The following KCNK6 variants were observed in gnomAD, a reference collection of about 807,000 sequenced individuals.
KCNK6 encodes the protein potassium two pore domain channel subfamily K member 6.
A neutral mutation model predicts 21.9 loss-of-function variants in KCNK6; 20 were observed. That is an observed-to-expected ratio of 0.91 (90% CI 0.64 to 1.32). KCNK6 has a LOEUF of 1.32. Among genes scored for constraint, KCNK6 ranks in the 40% most tolerant of loss-of-function variants. The pLI is 0.00. For missense variants in KCNK6, 415 were observed against 433.1 expected, an observed-to-expected ratio of 0.96 and a Z score of 0.37; for synonymous variants, 210 against 218.0, an observed-to-expected ratio of 0.96 and a Z score of 0.32.
chr19:38,322,835 G>A (rs909479159), intron 1 of KCNK6, among the ~76,000 whole-genome samples: 5 of 146,516 alleles, frequency 3.4e-5, no homozygotes, highest in South Asian at 4.3e-4. Context: ...AAAACAGGCC[G>A]GGCAAGTTGG....
intron 1 of KCNK6, among the ~76,000 whole-genome samples, chr19:38,324,100 T>A (rs1969682128): frequency 1.3e-5 from 2 of 152,042 alleles, no homozygotes; most frequent in Admixed American, 1.3e-4. Flanking sequence ...TTATTATTAT[T>A]ATTTTTTTTT....
intron 1 of KCNK6, among the ~76,000 whole-genome samples, chr19:38,323,128 A>G (rs938875323): frequency 2.0e-5 from 3 of 152,070 alleles, no homozygotes; most frequent in African/African-American, 7.2e-5. Context: ...AAACAAACAA[A>G]AAAGAGTGGT....
At position 38,327,799 on chromosome 19, in the gene KCNK6, T is replaced by A. The variant is rs996251279; in HGVS notation, c.*396T>A. On this transcript the variant is annotated 3_prime_UTR_variant, in exon 3 of 3. Transcript: ENST00000263372. ...TTCTACTGGGCTGTGGGCTCAGACC[T>A]CATTTCAGGCACCAGATTGGTCGCT... 1 of 240,616 alleles carries A rather than the reference T, an allele frequency of 4.2e-6. No individual in the cohort carries two copies. The highest frequency in any genetic ancestry group is 5.3e-5 in the South Asian group (1 of 18,934). 14.9% of individuals were successfully genotyped at this position (240,616 alleles called of 1,614,324 possible).
In KCNK6 at chr19:38,331,754, T is replaced by C. The variant is rs755590466; in HGVS notation, c.*4351T>C. On this transcript the variant is annotated 3_prime_UTR_variant, in exon 3 of 3. Transcript: ENST00000263372. Reference sequence around the variant, plus strand: ...ATGTCTCAGGTCTTCCCAGGCACATTTGATGTTATGTACCAGCCATATGCA... The same window carrying C: ...ATGTCTCAGGTCTTCCCAGGCACATCTGATGTTATGTACCAGCCATATGCA... 8.5e-5 allele frequency: 13 copies of C among 152,196 alleles called. No homozygotes were observed. Among genetic ancestry groups the C allele is most frequent in the Admixed American group, 3.9e-4 (6 of 15,286 alleles). The allele number at this position is 152,196 out of a possible 1,614,324, so 9.4% of individuals were successfully genotyped here.
chr19:38,327,046 G>C, intron 2 of KCNK6, 58 bp downstream of exon 2: 1 of 1,563,844 alleles, frequency 6.4e-7, no homozygotes, highest in Middle Eastern at 1.7e-4. Flanking sequence ...CCCTGGGGGA[G>C]TTAAAGGCTC....
At chr19:38,324,566 G>A (rs1969686980) in intron 1 of KCNK6, among the ~76,000 whole-genome samples, 1 of 152,170 alleles carries the variant, frequency 6.6e-6, no homozygotes, top group Non-Finnish European at 1.5e-5. Context: ...GAGGAAAGAA[G>A]GGAGACTGGC....
rs1969751964 is a variant in KCNK6, at chr19:38,329,671, G to GGAAGGGTTTAGA, written c.*2270_*2281dup. The stretch of plus-strand genomic sequence containing the variant: ...TTTCCTGAGGGCCCTAGAGAGCCAT[G>GGAAGGGTTTAGA]GAAGGGTTTAGAGTAGGAGTGGGTC... On this transcript the variant is annotated 3_prime_UTR_variant, in exon 3 of 3. Coordinates refer to ENST00000263372, the MANE Select transcript of KCNK6 (RefSeq NM_004823.3). The GGAAGGGTTTAGA allele has an allele frequency of 6.6e-6, 1 of 152,258 alleles. No homozygotes were observed. The highest frequency in any genetic ancestry group is 1.5e-5 in the Non-Finnish European group (1 of 68,146). The allele number at this position is 152,258 out of a possible 1,614,324, so 9.4% of individuals were successfully genotyped here.
chr19:38,322,882 G>A (rs1211395552), intron 1 of KCNK6, among the ~76,000 whole-genome samples: 1 of 152,128 alleles, frequency 6.6e-6, no homozygotes, highest in Non-Finnish European at 1.5e-5. Context: ...GGAGGCTGAG[G>A]CGGGCGGATC....
At chr19:38,325,940 T>G (rs545529203) in intron 1 of KCNK6, among the ~76,000 whole-genome samples, 263 of 151,262 alleles carry the variant, frequency 1.7e-3, no homozygotes, top group Middle Eastern at 0.017. Flanking sequence ...GGGCTGGGGA[T>G]GGGGAAGGGA....
rs1969726030 is a variant in KCNK6 at position 38,327,494 on chromosome 19, C to T, written c.*91C>T. On this transcript the variant is annotated 3_prime_UTR_variant, in exon 3 of 3. Coordinates refer to ENST00000263372, the MANE Select transcript of KCNK6 (RefSeq NM_004823.3). The stretch of plus-strand genomic sequence containing the variant: ...CTGGCTGTACAGGAATGTCCACGAG[C>T]ACAGCAGGTGATCTTGAGGCCTTGC... 1.7e-6 allele frequency: 2 copies of T among 1,190,990 alleles called. No individual in the cohort carries two copies. Among genetic ancestry groups the T allele is most frequent in the African/African-American group, 1.5e-5 (1 of 66,422 alleles). The allele number at this position is 1,190,990 out of a possible 1,614,324, so 73.8% of individuals were successfully genotyped here. A position where few individuals can be genotyped will look rare whatever the true frequency, so the allele number is the denominator to read the frequency against.
At chr19:38,326,131 G>A (rs1257971127) in intron 1 of KCNK6, among the ~76,000 whole-genome samples, 6 of 152,230 alleles carry the variant, frequency 3.9e-5, no homozygotes, top group Non-Finnish European at 7.3e-5. Context: ...TGGCCTGAGC[G>A]TCGAAGGACA....
rs376955900 is a variant in KCNK6, at chr19:38,320,248, G to T, written c.298G>T (p.Ala100Ser). ...GGACTTCGCCTCTGCTCTCTTCTTC[G>T]CCAGCACGCTGATCACCACCGTGGG... ...AWDFASALFF[A>S]STLITTVGYG... The change falls in exon 1 of 3, where the codon GCC becomes TCC. Residue 100 changes from alanine (A) to serine (S), a missense_variant. Ala to Ser is a moderately conservative substitution (Grantham distance 99, BLOSUM62 1). Transcript: ENST00000263372. The T allele has an allele frequency of 1.2e-6, 2 of 1,606,196 alleles. No individual in the cohort carries two copies. The highest frequency in any genetic ancestry group is 1.7e-6 in the Non-Finnish European group (2 of 1,179,646).
Position 38,320,305 on chromosome 19 carries a change from A to AC in KCNK6, c.322+36dup, listed in dbSNP as rs1044197714. 5 of 1,600,398 alleles carry AC rather than the reference A, an allele frequency of 3.1e-6. No individual in the cohort carries two copies. In the African/African-American group the frequency reaches 6.7e-5, roughly 21 times the overall value. Reference sequence around the variant, plus strand: ...AGCGCCTCACCGCAAGGCGGCGAGGACCCGGGATCCCCACTTCATCCTTAA... The same window carrying AC: ...AGCGCCTCACCGCAAGGCGGCGAGGACCCCGGGATCCCCACTTCATCCTTAA... On this transcript the variant is annotated intron_variant, in intron 1 of 2. Coordinates refer to ENST00000263372, the MANE Select transcript of KCNK6 (RefSeq NM_004823.3).
In KCNK6 at chr19:38,329,137, G is replaced by A. The variant is rs1969747040; in HGVS notation, c.*1734G>A. The A allele has an allele frequency of 6.6e-6, 1 of 152,018 alleles. No homozygotes were observed. The highest frequency in any genetic ancestry group is 2.4e-5 in the African/African-American group (1 of 41,402). 9.4% of individuals were successfully genotyped at this position (152,018 alleles called of 1,614,324 possible). ...CCCAGCTACTCGGGAGGCTGAGGCA[G>A]GAGAATGGCGTGAACCCCGGTGGGG... On this transcript the variant is annotated 3_prime_UTR_variant, in exon 3 of 3. Coordinates refer to ENST00000263372, the MANE Select transcript of KCNK6 (RefSeq NM_004823.3).
At chr19:38,320,355 C>A in intron 1 of KCNK6, 83 bp downstream of exon 1, 3 of 1,418,884 alleles carry the variant, frequency 2.1e-6, no homozygotes, top group Admixed American at 3.7e-5. Context: ...GGGGCCCTCA[C>A]GAATACCCTT....
chr19:38,327,354 A>G lies in KCNK6; in HGVS notation c.893A>G (p.Gln298Arg). Residue 298 changes from glutamine to arginine, a missense_variant, in exon 3 of 3, where the codon CAG becomes CGG. Coordinates refer to ENST00000263372, the MANE Select transcript of KCNK6 (RefSeq NM_004823.3). ...CTGGGCCCCCAGCCGGAGTCGCACCAGCAACTCTCTGCCAGCTCCCACACC... is the reference window on the plus strand; with the variant it reads ...CTGGGCCCCCAGCCGGAGTCGCACCGGCAACTCTCTGCCAGCTCCCACACC... ...DILGPQPESH[Q>R]QLSASSHTDY... 1 of 1,612,338 alleles carries G rather than the reference A, an allele frequency of 6.2e-7. No individual in the cohort carries two copies. Among genetic ancestry groups the G allele is most frequent in the Non-Finnish European group, 8.5e-7 (1 of 1,180,004 alleles).
intron 1 of KCNK6, chr19:38,325,000 A>G (rs1428700237): frequency 1.3e-5 from 2 of 151,590 alleles, no homozygotes; most frequent in Non-Finnish European, 2.9e-5. Flanking sequence ...AAATACATTC[A>G]TATTGTTACC....
At position 38,326,684 on chromosome 19, in the gene KCNK6, G is replaced by T. The variant is rs760821743; in HGVS notation, c.414G>T (p.Leu138=). The T allele has an allele frequency of 6.2e-7, 1 of 1,606,936 alleles. No homozygotes were observed. The highest frequency in any genetic ancestry group is 8.5e-7 in the Non-Finnish European group (1 of 1,179,990). ...GCGTGCCGACCACCATGCTGCTGCT[G>T]ACCGCCTCAGCCCAGCGCCTGTCAC... ...LLGVPTTMLL[L]TASAQRLSLL... is the part of the protein sequence containing the mutation. Residue 138 remains leucine, a synonymous_variant, in exon 2 of 3, where the codon CTG becomes CTT. Coordinates refer to ENST00000263372, the MANE Select transcript of KCNK6 (RefSeq NM_004823.3).
chr19:38,321,218 G>A (rs776438968), intron 1 of KCNK6, among the ~76,000 whole-genome samples: 6 of 152,188 alleles, frequency 3.9e-5, no homozygotes, highest in Non-Finnish European at 8.8e-5. Flanking sequence ...TCCTCAGCAA[G>A]GACCTGGCAC....
Sources: gnomAD v4.1 joint callset for allele counts (sites outside exome capture counted in the v4.1 genomes callset) on GRCh38, gnomAD v4.1.1 for gene constraint, MANE v1.5 for transcripts, NCBI Gene and HGNC (gene_info 2026-07-23, HGNC 2026-07-21) for gene names.